STK32B: variants seen among roughly 807,000 people sequenced by gnomAD.
STK32B encodes the protein serine/threonine kinase 32B, also known as serine/threonine-protein kinase 32B.
A neutral mutation model predicts 52.6 loss-of-function variants in STK32B; 43 were observed. That is an observed-to-expected ratio of 0.82 (90% CI 0.64 to 1.05). STK32B has a LOEUF of 1.05. Among genes scored for constraint, STK32B ranks in the 50% least tolerant of loss-of-function variants. The pLI, the probability that STK32B is intolerant of heterozygous loss-of-function variation, is 0.00. For synonymous variants in STK32B, 238 were observed against 204.3 expected (o/e 1.17, Z -1.41); for missense variants, 621 against 534.6 (o/e 1.16, Z -1.59).
At chr4:5,065,102 T>A (rs1194193718) in intron 1 of STK32B, among the ~76,000 whole-genome samples, 2 of 152,046 alleles carry the variant, frequency 1.3e-5, no homozygotes, top group East Asian at 3.9e-4. Context: ...TTGTACTATC[T>A]CCCTGGGTGA....
intron 1 of STK32B, among the ~76,000 whole-genome samples, chr4:5,132,122 G>T (rs537900158): frequency 4.6e-5 from 7 of 152,260 alleles, no homozygotes; most frequent in African/African-American, 1.2e-4. Flanking sequence ...TTTTATGGCT[G>T]TGTAGTATTC....
chr4:5,203,307 C>T (rs1025564125), intron 3 of STK32B, among the ~76,000 whole-genome samples: 12 of 152,132 alleles, frequency 7.9e-5, no homozygotes, highest in Non-Finnish European at 1.6e-4. Context: ...TTGTTTCTGA[C>T]GTTCATTCAT....
chr4:5,042,046 C>G, the STK32B span, among the ~76,000 whole-genome samples: 2 of 152,152 alleles, frequency 1.3e-5, no homozygotes, highest in Non-Finnish European at 1.5e-5. Flanking sequence ...TTAAATGTTA[C>G]GGCTTTAGGG....
At chr4:5,312,556 G>A (rs1286141544) in intron 3 of STK32B, among the ~76,000 whole-genome samples, 4 of 151,652 alleles carry the variant, frequency 2.6e-5, no homozygotes, top group South Asian at 2.1e-4. Flanking sequence ...TTGTTCTTCC[G>A]ATAGTTTACT....
intron 3 of STK32B, among the ~76,000 whole-genome samples, chr4:5,179,192 G>A (rs893174312): frequency 6.6e-6 from 1 of 152,216 alleles, no homozygotes; most frequent in Non-Finnish European, 1.5e-5. Context: ...AGTGCCAGTG[G>A]GGAAAATGCC....
chr4:5,115,537 A>G (rs1282125259), intron 1 of STK32B, among the ~76,000 whole-genome samples: 7 of 152,226 alleles, frequency 4.6e-5, no homozygotes, highest in African/African-American at 1.7e-4. Context: ...GGAAATGTGC[A>G]TCTTAAAAGC....
chr4:5,048,235 T>G (rs1206622318), upstream of STK32B, among the ~76,000 whole-genome samples: 1 of 151,952 alleles, frequency 6.6e-6, no homozygotes, highest in East Asian at 1.9e-4. Flanking sequence ...GTTCAAGACA[T>G]TCTCCTGCCT....
At position 5,074,505 on chromosome 4, in the gene STK32B, A is replaced by T. The variant is rs186818607; in HGVS notation, c.52+22590A>T. 5.5e-3 allele frequency among the ~76,000 whole-genome samples: 827 copies of T among 151,432 alleles called. 9 individuals are homozygous for T. Among genetic ancestry groups the T allele is most frequent in the South Asian group, 0.016 (78 of 4,802 alleles). ...AGTCATGTTGGGTCTCTTTCTATGG[A>T]TGTTGTTTTCTTTACCATGGAACAC... On this transcript the variant is annotated intron_variant, in intron 1 of 11. Transcript: ENST00000282908.
At chr4:5,367,038 C>A (rs1290468217) in intron 4 of STK32B, among the ~76,000 whole-genome samples, 1 of 152,108 alleles carries the variant, frequency 6.6e-6, no homozygotes, top group Non-Finnish European at 1.5e-5. Context: ...CATCTGCCAA[C>A]TCCAGTGTCC....
rs141652457 is a variant in STK32B at position 5,092,945 on chromosome 4, A to G, written c.52+41030A>G. On this transcript the variant is annotated intron_variant, in intron 1 of 11. Transcript: ENST00000282908. ...ATCTCAATAAAAATATTGGAAAAAT[A>G]ATAAAAAGAGGGCAAAGGAAAGAAC... Among the ~76,000 whole-genome samples, 155 of 152,318 alleles carry G rather than the reference A, an allele frequency of 1.0e-3. 3 individuals carry two copies. The highest frequency in any genetic ancestry group is 3.5e-3 in the African/African-American group (145 of 41,556).
At chr4:5,495,683 T>A (rs1720171070) in intron 11 of STK32B, among the ~76,000 whole-genome samples, 1 of 152,202 alleles carries the variant, frequency 6.6e-6, no homozygotes, top group Admixed American at 6.5e-5. Context: ...TTTTCTGCTC[T>A]GTTTTTTCCC....
chr4:5,136,705 G>A (rs1007421175), intron 1 of STK32B, among the ~76,000 whole-genome samples: 3 of 152,104 alleles, frequency 2.0e-5, no homozygotes, highest in African/African-American at 4.8e-5. Context: ...ATGATTCTAG[G>A]ACCCATTATT....
At position 5,409,837 on chromosome 4, in the gene STK32B, C is replaced by A. The variant is rs191444014; in HGVS notation, c.473-7008C>A. Among the ~76,000 whole-genome samples, 4 of 152,118 alleles carry A rather than the reference C, an allele frequency of 2.6e-5. No homozygotes were observed. The East Asian group carries it at 7.7e-4, about 29-fold the overall frequency. On this transcript the variant is annotated intron_variant, in intron 5 of 11. Coordinates refer to ENST00000282908, the MANE Select transcript of STK32B (RefSeq NM_018401.3). Reference sequence around the variant, plus strand: ...TTTAAGGCCCTGCATTCCTACCCCACGACCAAGGTACAGAAGGAAGCCAAA... The same window carrying A: ...TTTAAGGCCCTGCATTCCTACCCCAAGACCAAGGTACAGAAGGAAGCCAAA...
rs547017103 is a variant in STK32B, at chr4:5,467,822, A to C, written c.1042-184A>C. Among the ~76,000 whole-genome samples the C allele has an allele frequency of 6.6e-6, 1 of 152,212 alleles. No individual in the cohort carries two copies. Among genetic ancestry groups the C allele is most frequent in the Non-Finnish European group, 1.5e-5 (1 of 68,040 alleles). ...GTGGAGAAAAGCATCTTTGTCCACC[A>C]GGCTACCTTTGGACACAGCCACCCA... On this transcript the variant is annotated intron_variant, in intron 10 of 11. Coordinates refer to ENST00000282908, the MANE Select transcript of STK32B (RefSeq NM_018401.3). This position sits in a 1 kb window ranked among gnomAD's most constrained non-coding sequence, Gnocchi z 5.8.
chr4:5,459,563 C>G (rs1192445628), intron 8 of STK32B, among the ~76,000 whole-genome samples: 1 of 152,164 alleles, frequency 6.6e-6, no homozygotes, highest in Non-Finnish European at 1.5e-5. Flanking sequence ...AGGTCATAGT[C>G]TTCAGCTGTT....
chr4:5,303,976 T>C (rs996416160), intron 3 of STK32B, among the ~76,000 whole-genome samples: 1 of 152,126 alleles, frequency 6.6e-6, no homozygotes, highest in Non-Finnish European at 1.5e-5. Flanking sequence ...TTGTCAAAGA[T>C]CAGTTGGCTA....
intron 3 of STK32B, among the ~76,000 whole-genome samples, chr4:5,310,518 A>T (rs75808454): frequency 0.083 from 12,630 of 152,236 alleles, 846 homozygotes; most frequent in African/African-American, 0.18. Context: ...AATGGCTATC[A>T]TCAAAAAGAC....
At chr4:5,495,785 CCTT>C (rs1383943846) in intron 11 of STK32B, among the ~76,000 whole-genome samples, 2 of 152,158 alleles carry the variant, frequency 1.3e-5, no homozygotes. Flanking sequence ...TGTTAGTTTT[CCTT>C]CTAACAGACA....
At chr4:5,276,726 A>G (rs1727848696) in intron 3 of STK32B, among the ~76,000 whole-genome samples, 1 of 152,058 alleles carries the variant, frequency 6.6e-6, no homozygotes, top group Non-Finnish European at 1.5e-5. Context: ...AATTTTTACA[A>G]TAGTCATATT....
Sources: gnomAD v4.1 joint callset for allele counts (sites outside exome capture counted in the v4.1 genomes callset) on GRCh38, gnomAD v4.1.1 for gene constraint, Gnocchi (gnomAD v3.1) non-coding constraint, MANE v1.5 for transcripts, NCBI Gene and HGNC (gene_info 2026-07-23, HGNC 2026-07-21) for gene names.